DISC1: variants seen among roughly 807,000 people sequenced by gnomAD.
DISC1 encodes the protein DISC1 scaffold protein.
A neutral mutation model predicts 84.5 loss-of-function variants in DISC1; 57 were observed. That is an observed-to-expected ratio of 0.67 (90% CI 0.55 to 0.84). The LOEUF is 0.84. DISC1 is among the 40% of genes least tolerant of loss of function. DISC1 has a pLI of 0.00. For missense variants in DISC1, 1,000 were observed against 1,057.8 expected (o/e 0.95, Z 0.76); for synonymous variants, 411 against 415.2 (o/e 0.99, Z 0.12).
chr1:231,726,029 G>A (rs937087070), intron 3 of DISC1, among the ~76,000 whole-genome samples: 2 of 152,144 alleles, frequency 1.3e-5, no homozygotes, highest in African/African-American at 4.8e-5. Flanking sequence ...TCTCTTTGGA[G>A]CTGGCAGCAA....
intron 6 of DISC1, among the ~76,000 whole-genome samples, chr1:231,792,217 A>G (rs989736631): frequency 6.6e-6 from 1 of 152,200 alleles, no homozygotes; most frequent in African/African-American, 2.4e-5. Flanking sequence ...ATATAAAACA[A>G]TGCATTTAAT....
intron 9 of DISC1, among the ~76,000 whole-genome samples, chr1:231,830,900 T>G (rs2082175237): frequency 6.6e-6 from 1 of 152,194 alleles, no homozygotes; most frequent in Non-Finnish European, 1.5e-5. Flanking sequence ...CGGAGGACCG[T>G]AAGGGATATA....
chr1:232,001,977 C>G (rs1666745868), intron 10 of DISC1, among the ~76,000 whole-genome samples: 1 of 152,048 alleles, frequency 6.6e-6, no homozygotes, highest in African/African-American at 2.4e-5. Context: ...ATGTTTGTAA[C>G]CATATATATC....
At chr1:232,005,515 G>A (rs981804014) in intron 10 of DISC1, among the ~76,000 whole-genome samples, 2 of 152,118 alleles carry the variant, frequency 1.3e-5, no homozygotes, top group African/African-American at 4.8e-5. Flanking sequence ...ATGGGCCTAG[G>A]TATGTGTTTT....
rs564410316 is a variant in DISC1, at chr1:231,969,497, T to C, written c.2042+10609T>C. Among the ~76,000 whole-genome samples, 45 of 151,992 alleles carry C rather than the reference T, an allele frequency of 3.0e-4. No homozygotes were observed. The East Asian group carries it at 8.5e-3, about 29-fold the overall frequency. On this transcript the variant is annotated intron_variant, in intron 10 of 12. Transcript: ENST00000439617. ...GAGATTTGGGGAGCTCCAAGGCCCC[T>C]CCTCTTGACCCTCAGTGGAGCTCAA... is the stretch of plus-strand genomic sequence containing the variant.
At chr1:231,686,479 A>G (rs2064293906) in intron 1 of DISC1, among the ~76,000 whole-genome samples, 1 of 152,132 alleles carries the variant, frequency 6.6e-6, no homozygotes, top group African/African-American at 2.4e-5. Context: ...CCCGAGCTCT[A>G]TGTTGGCCCC....
intron 10 of DISC1, among the ~76,000 whole-genome samples, chr1:231,989,437 C>T (rs1664889999): frequency 6.6e-6 from 1 of 152,212 alleles, no homozygotes; most frequent in Non-Finnish European, 1.5e-5. Context: ...TTATCATAGG[C>T]ATGCCCTGAC....
At chr1:231,708,213 G>C (rs1227551568) in intron 3 of DISC1, among the ~76,000 whole-genome samples, 1 of 152,120 alleles carries the variant, frequency 6.6e-6, no homozygotes, top group South Asian at 2.1e-4. Flanking sequence ...ATGAGTCTGC[G>C]TGTACTAGGT....
chr1:231,739,550 A>G (rs945956308), intron 3 of DISC1, among the ~76,000 whole-genome samples: 14 of 152,122 alleles, frequency 9.2e-5, no homozygotes, highest in South Asian at 2.1e-4. Flanking sequence ...CAACTTACCA[A>G]TGGGGCCGCT....
At chr1:231,874,278 C>G (rs982372351) in intron 9 of DISC1, among the ~76,000 whole-genome samples, 1 of 151,090 alleles carries the variant, frequency 6.6e-6, no homozygotes. Flanking sequence ...CTGCCTCAGT[C>G]CCCCGAGTAG....
intron 8 of DISC1, among the ~76,000 whole-genome samples, chr1:231,804,427 G>A (rs1212908004): frequency 2.6e-5 from 4 of 151,686 alleles, no homozygotes; most frequent in African/African-American, 9.7e-5. Context: ...AGGTACTGAG[G>A]ATGCAGTAGA....
intron 4 of DISC1, among the ~76,000 whole-genome samples, chr1:231,757,426 T>C (rs12076286): frequency 0.22 from 33,287 of 152,114 alleles, 3,848 homozygotes; most frequent in East Asian, 0.44. Flanking sequence ...ATTATTTTTG[T>C]TGTCACTTTG....
At chr1:231,999,062 A>G (rs1382281232) in intron 10 of DISC1, among the ~76,000 whole-genome samples, 4 of 152,174 alleles carry the variant, frequency 2.6e-5, no homozygotes, top group Non-Finnish European at 4.4e-5. Flanking sequence ...AGACAAAAAT[A>G]TAATGTATAA....
At chr1:231,699,036 C>A (rs372823171) in intron 2 of DISC1, among the ~76,000 whole-genome samples, 5 of 152,130 alleles carry the variant, frequency 3.3e-5, no homozygotes, top group Admixed American at 2.6e-4. Context: ...GTGTTTTTTG[C>A]GTATGCTTCA....
Position 231,825,764 on chromosome 1 carries a change from A to G in DISC1, c.1981+7247A>G, listed in dbSNP as rs200178072. ...TGCTTTATGTTTTAGTATCATTCCT[A>G]TGATTTGAAAATATGTTGTCATGAT... On this transcript the variant is annotated intron_variant, in intron 9 of 12. Coordinates refer to ENST00000439617, the MANE Select transcript of DISC1 (RefSeq NM_018662.3). 2.6e-4 allele frequency among the ~76,000 whole-genome samples: 40 copies of G among 152,068 alleles called. 1 individual carries two copies. The South Asian group carries it at 3.1e-3, about 12-fold the overall frequency.
chr1:231,923,319 C>G (rs821718), intron 9 of DISC1, among the ~76,000 whole-genome samples: 6 of 145,388 alleles, frequency 4.1e-5, no homozygotes, highest in African/African-American at 7.5e-5. Context: ...AAAAAAAAAA[C>G]AAAAAGAAAA....
At chr1:231,639,157 C>T (rs1014150992) in intron 1 of DISC1, among the ~76,000 whole-genome samples, 3 of 152,082 alleles carry the variant, frequency 2.0e-5, no homozygotes, top group Non-Finnish European at 2.9e-5. Context: ...GCACAAGGCA[C>T]TTGTCTTCAT....
At chr1:231,720,982 G>A (rs1474161082) in intron 3 of DISC1, 1 of 1,290,938 alleles carries the variant, frequency 7.7e-7, no homozygotes, top group East Asian at 5.6e-5. Context: ...CATTTGGGGT[G>A]AACAGCAACT....
intron 1 of DISC1, among the ~76,000 whole-genome samples, chr1:231,644,621 G>C (rs201492039): frequency 6.6e-6 from 1 of 152,130 alleles, no homozygotes; most frequent in Non-Finnish European, 1.5e-5. Flanking sequence ...CTTCCTTGGT[G>C]GCTTCAGAGC....
Sources: gnomAD v4.1 joint callset for allele counts (sites outside exome capture counted in the v4.1 genomes callset) on GRCh38, gnomAD v4.1.1 for gene constraint, MANE v1.5 for transcripts, NCBI Gene and HGNC (gene_info 2026-07-23, HGNC 2026-07-21) for gene names.